ACSM6: variants seen among roughly 807,000 people sequenced by gnomAD.
ACSM6 encodes the protein acyl-CoA synthetase medium chain family member 6.
In ACSM6, 35 loss-of-function variants were observed where a neutral mutation model predicts 51.1. The ratio of observed to expected loss-of-function variants is 0.69; its 90% CI spans 0.52 to 0.91. ACSM6 has a LOEUF of 0.91. Ranked by LOEUF, ACSM6 falls within the 40% of genes least tolerant of loss-of-function variation. The pLI is 0.00. For synonymous variants in ACSM6, 172 were observed against 207.3 expected (o/e 0.83, Z 1.46); for missense variants, 509 against 584.1 (o/e 0.87, Z 1.32).
At chr10:95,207,804 T>G (rs1170166116) in intron 4 of ACSM6, among the ~76,000 whole-genome samples, 1 of 152,148 alleles carries the variant, frequency 6.6e-6, no homozygotes, top group East Asian at 1.9e-4. Flanking sequence ...TGGAATACTA[T>G]GAAGCCATAA....
At chr10:95,220,054 A>G in intron 9 of ACSM6, 83 bp downstream of exon 9, 2 of 1,124,242 alleles carry the variant, frequency 1.8e-6, no homozygotes, top group Non-Finnish European at 2.6e-6. Flanking sequence ...ACATAAAGGT[A>G]GGCAATGAGG....
At chr10:95,217,468 G>C (rs1214349153) in intron 8 of ACSM6, among the ~76,000 whole-genome samples, 3 of 151,964 alleles carry the variant, frequency 2.0e-5, no homozygotes, top group Non-Finnish European at 4.4e-5. Context: ...ATTTTTGAGA[G>C]AATTGAATAC....
intron 5 of ACSM6, among the ~76,000 whole-genome samples, 166 bp from the exon 6 acceptor site, chr10:95,211,712 A>T (rs2034894700): frequency 6.6e-6 from 1 of 152,234 alleles, no homozygotes; most frequent in African/African-American, 2.4e-5. Context: ...TACTGAAAAA[A>T]TTTAAGGAGT....
intron 9 of ACSM6, among the ~76,000 whole-genome samples, chr10:95,224,863 T>C (rs1159758805): frequency 2.6e-5 from 4 of 152,248 alleles, no homozygotes; most frequent in Non-Finnish European, 5.9e-5. Context: ...AGATGGCTAA[T>C]TAAGTGTCCT....
At chr10:95,227,367 G>A (rs1043192052) in intron 10 of ACSM6, among the ~76,000 whole-genome samples, 2 of 152,036 alleles carry the variant, frequency 1.3e-5, no homozygotes, top group African/African-American at 4.8e-5. Context: ...TGAAAATTTT[G>A]GTTACTTCCA....
At chr10:95,214,780 A>T in intron 7 of ACSM6, 72 bp from the exon 8 acceptor site, 4 of 1,487,196 alleles carry the variant, frequency 2.7e-6, no homozygotes, top group Non-Finnish European at 3.6e-6. Context: ...TTTTTCCAAG[A>T]TTCTTTCTAA....
At chr10:95,209,830 T>A (rs1205491800) in intron 4 of ACSM6, among the ~76,000 whole-genome samples, 1 of 152,076 alleles carries the variant, frequency 6.6e-6, no homozygotes, top group African/African-American at 2.4e-5. Context: ...TTTTTTTAAT[T>A]AAAAAAATCA....
At position 95,208,933 on chromosome 10, in the gene ACSM6, T is replaced by TAAAAAAAAAAAAAA. The variant is rs34370150; in HGVS notation, c.611+1532_611+1545dup. On this transcript the variant is annotated intron_variant, in intron 4 of 10. Transcript: ENST00000341686. Reference sequence around the variant, plus strand: ...CAGTATTTCAGTGTCCAGGGATGTTTAAAAAAAAAAAAAAAAAAAAAAAAA... The same window carrying TAAAAAAAAAAAAAA: ...CAGTATTTCAGTGTCCAGGGATGTTTAAAAAAAAAAAAAAAAAAAAAAAAAAAAAAAAAAAAAAA... 3.2e-4 allele frequency among the ~76,000 whole-genome samples: 11 copies of TAAAAAAAAAAAAAA among 33,924 alleles called. 1 individual carries two copies. Among genetic ancestry groups the TAAAAAAAAAAAAAA allele is most frequent in the Non-Finnish European group, 4.4e-4 (8 of 18,346 alleles). The allele number at this position is 33,924 out of a possible 152,430, so 22.3% of individuals were successfully genotyped here.
intron 2 of ACSM6, among the ~76,000 whole-genome samples, chr10:95,197,998 C>T (rs960041146): frequency 7.9e-5 from 12 of 152,256 alleles, no homozygotes; most frequent in Non-Finnish European, 2.9e-5. Flanking sequence ...ACGTCCTGCA[C>T]AACCCTAGAT....
intron 5 of ACSM6, 95 bp downstream of exon 5, chr10:95,210,888 C>T: frequency 5.8e-6 from 8 of 1,368,724 alleles, no homozygotes. Flanking sequence ...GAGTTTCTTA[C>T]TCAAGACTGC....
intron 5 of ACSM6, among the ~76,000 whole-genome samples, chr10:95,211,008 G>C (rs1484984566): frequency 6.6e-6 from 1 of 152,182 alleles, no homozygotes; most frequent in Non-Finnish European, 1.5e-5. Context: ...AAGAGGAAGA[G>C]CAGGGATTCC....
chr10:95,196,941 C>A (rs1429802578), intron 2 of ACSM6, among the ~76,000 whole-genome samples: 2 of 152,014 alleles, frequency 1.3e-5, no homozygotes, highest in Admixed American at 6.6e-5. Context: ...CTATTGTAAG[C>A]AAGGCTGAAA....
intron 9 of ACSM6, among the ~76,000 whole-genome samples, chr10:95,222,770 C>T (rs1274334715): frequency 6.8e-6 from 1 of 148,044 alleles, no homozygotes; most frequent in Non-Finnish European, 1.5e-5. Context: ...ATCTACTGTA[C>T]AGCATAATGC....
intron 10 of ACSM6, 161 bp downstream of exon 10, chr10:95,225,552 A>G (rs1458173791): frequency 2.1e-6 from 1 of 481,464 alleles, no homozygotes; most frequent in Non-Finnish European, 3.6e-6. Flanking sequence ...ACTCACCTAC[A>G]TTCACTTCTT....
At chr10:95,210,869 C>G (rs1351867781) in intron 5 of ACSM6, 76 bp downstream of exon 5, 1 of 1,484,854 alleles carries the variant, frequency 6.7e-7, no homozygotes, top group African/African-American at 1.4e-5. Flanking sequence ...GGGACTAAAG[C>G]TAAGAAAGGA....
chr10:95,203,053 G>C (rs1489116250), intron 3 of ACSM6, among the ~76,000 whole-genome samples: 4 of 152,054 alleles, frequency 2.6e-5, no homozygotes, highest in East Asian at 1.9e-4. Context: ...CAGAGGGCAA[G>C]TGAGTGAAGC....
intron 7 of ACSM6, among the ~76,000 whole-genome samples, chr10:95,213,600 G>A (rs767640559): frequency 5.9e-5 from 9 of 152,206 alleles, no homozygotes; most frequent in Non-Finnish European, 1.0e-4. Context: ...TGAATGAATT[G>A]TACATTAATA....
intron 9 of ACSM6, among the ~76,000 whole-genome samples, chr10:95,222,855 T>TTATTACCAA (rs1193283729): frequency 0.033 from 4,980 of 151,748 alleles, 282 homozygotes; most frequent in African/African-American, 0.11. Context: ...ATTACCAAAA[T>TTATTACCAA]AATAATAATA....
intron 8 of ACSM6, among the ~76,000 whole-genome samples, chr10:95,218,306 T>C (rs545628240): frequency 6.6e-6 from 1 of 152,218 alleles, no homozygotes; most frequent in African/African-American, 2.4e-5. Context: ...AGGAGTCTTG[T>C]GTTTTGTGAG....
Sources: allele counts gnomAD v4.1 joint callset (sites outside exome capture counted in the v4.1 genomes callset), GRCh38; gene constraint gnomAD v4.1.1; transcripts MANE v1.5; gene names NCBI Gene and HGNC (gene_info 2026-07-23, HGNC 2026-07-21).